ACBD6: variants seen among roughly 807,000 people sequenced by gnomAD.
ACBD6 encodes the protein acyl-CoA-binding domain-containing protein 6.
A neutral mutation model predicts 37.2 loss-of-function variants in ACBD6; 28 were observed. The observed-to-expected ratio is 0.75, with a 90% CI of 0.56 to 1.03. The LOEUF (loss-of-function observed/expected upper bound fraction) is 1.03. Ranked by LOEUF, ACBD6 falls within the 50% of genes least tolerant of loss-of-function variation. ACBD6 has a pLI of 0.00. For missense variants in ACBD6, 340 were observed against 337.4 expected, an observed-to-expected ratio of 1.01 and a Z score of -0.06; for synonymous variants, 113 against 126.8, an observed-to-expected ratio of 0.89 and a Z score of 0.73.
intron 3 of ACBD6, among the ~76,000 whole-genome samples, chr1:180,491,899 TC>T (rs1170489894): frequency 2.0e-5 from 3 of 152,198 alleles, no homozygotes. Context: ...AGCCTCAGCC[TC>T]CCAGGTTCAA....
intron 3 of ACBD6, among the ~76,000 whole-genome samples, chr1:180,451,289 A>C (rs1481225384): frequency 6.6e-6 from 1 of 152,212 alleles, no homozygotes; most frequent in Non-Finnish European, 1.5e-5. Flanking sequence ...GGACTATAAA[A>C]TGTTGTAGCC....
chr1:180,389,030 T>A (rs1223098538), intron 6 of ACBD6, among the ~76,000 whole-genome samples: 1 of 152,154 alleles, frequency 6.6e-6, no homozygotes, highest in Non-Finnish European at 1.5e-5. Context: ...ATACTTTAAG[T>A]TTTAGGGTAC....
At chr1:180,281,462 A>G (rs1315469995) in intron 8 of ACBD6, 1 of 152,280 alleles carries the variant, frequency 6.6e-6, no homozygotes, top group African/African-American at 2.4e-5. Flanking sequence ...CTAAACTGCA[A>G]ATAACATCTT....
chr1:180,283,972 C>T (rs1026233307), downstream of ACBD6, among the ~76,000 whole-genome samples: 1 of 152,118 alleles, frequency 6.6e-6, no homozygotes, highest in African/African-American at 2.4e-5. Context: ...AAGGACTCGT[C>T]TCCCTGGACT....
intron 6 of ACBD6, among the ~76,000 whole-genome samples, chr1:180,349,578 A>C (rs1366209081): frequency 1.0e-4 from 2 of 19,762 alleles, no homozygotes; most frequent in Non-Finnish European, 2.3e-4. Context: ...AGTATAAAAA[A>C]ATAAATAAAA....
intron 3 of ACBD6, among the ~76,000 whole-genome samples, chr1:180,476,389 TTAAA>T (rs905357156): frequency 6.6e-6 from 1 of 152,118 alleles, no homozygotes; most frequent in African/African-American, 2.4e-5. Flanking sequence ...CATAAATGGG[TTAAA>T]TTTTTTTTTT....
chr1:180,290,704 G>A (rs1457336682), intron 7 of ACBD6, among the ~76,000 whole-genome samples: 2 of 151,774 alleles, frequency 1.3e-5, no homozygotes, highest in African/African-American at 4.8e-5. Context: ...GAGCTTTGAA[G>A]GATCGAGCAA....
chr1:180,415,129 C>A (rs563893274), intron 4 of ACBD6, among the ~76,000 whole-genome samples: 52 of 151,430 alleles, frequency 3.4e-4, no homozygotes, highest in East Asian at 1.2e-3. Flanking sequence ...ACAAAAAAAA[C>A]CAAAAACAAA....
At chr1:180,498,601 C>G (rs1557896131) in intron 1 of ACBD6, among the ~76,000 whole-genome samples, 1 of 152,070 alleles carries the variant, frequency 6.6e-6, no homozygotes, top group Non-Finnish European at 1.5e-5. Context: ...TGCCTGTAAT[C>G]CCAGCACTTT....
At chr1:180,339,957 C>T (rs1238891909) in intron 6 of ACBD6, among the ~76,000 whole-genome samples, 2 of 151,916 alleles carry the variant, frequency 1.3e-5, no homozygotes, top group South Asian at 4.2e-4. Context: ...GGGAGAAAAA[C>T]GTGAAGATGG....
chr1:180,427,806 G>C (rs955830255), intron 4 of ACBD6, among the ~76,000 whole-genome samples: 11 of 151,876 alleles, frequency 7.2e-5, no homozygotes, highest in South Asian at 4.1e-4. Flanking sequence ...TGTAGTTCCA[G>C]CTACTCAGGA....
chr1:180,377,577 G>A (rs140856396), intron 6 of ACBD6, among the ~76,000 whole-genome samples: 233 of 152,224 alleles, frequency 1.5e-3, no homozygotes, highest in African/African-American at 5.4e-3. Flanking sequence ...AAAGAAAAGA[G>A]GAAAACAGAA....
exon 10 of ACBD6, chr1:180,274,768 G>A (rs1019832415): frequency 1.8e-5 from 12 of 660,822 alleles, no homozygotes; most frequent in African/African-American, 7.3e-5. Context: ...GGGAAGCAGT[G>A]GGAGAGCAGA....
intron 6 of ACBD6, among the ~76,000 whole-genome samples, chr1:180,378,593 C>A (rs1571428862): frequency 6.6e-6 from 1 of 152,252 alleles, no homozygotes; most frequent in East Asian, 1.9e-4. Flanking sequence ...AAAATTATTT[C>A]CAAATAAAAA....
chr1:180,365,832 ATTACT>A (rs1653033276), intron 6 of ACBD6, among the ~76,000 whole-genome samples: 1 of 152,222 alleles, frequency 6.6e-6, no homozygotes, highest in African/African-American at 2.4e-5. Context: ...TCACGGAAAA[ATTACT>A]TTTCTTTGAA....
intron 6 of ACBD6, among the ~76,000 whole-genome samples, chr1:180,331,832 G>A (rs758304398): frequency 5.9e-5 from 9 of 152,130 alleles, no homozygotes; most frequent in Non-Finnish European, 1.0e-4. Flanking sequence ...CTATTACCCA[G>A]CTGCTCAAGT....
At chr1:180,286,332 C>T (rs980663054), downstream of ACBD6, among the ~76,000 whole-genome samples, 4 of 151,984 alleles carry the variant, frequency 2.6e-5, no homozygotes, top group South Asian at 2.1e-4. Context: ...GTTTTAGATG[C>T]GGCAAAACAG....
intron 3 of ACBD6, among the ~76,000 whole-genome samples, chr1:180,467,727 A>C (rs966887548): frequency 6.6e-6 from 1 of 152,172 alleles, no homozygotes; most frequent in African/African-American, 2.4e-5. Flanking sequence ...ATCTCATTTA[A>C]TACACCATGA....
At chr1:180,318,357 C>T (rs1269742963) in intron 6 of ACBD6, among the ~76,000 whole-genome samples, 1 of 151,778 alleles carries the variant, frequency 6.6e-6, no homozygotes, top group Non-Finnish European at 1.5e-5. Context: ...TTTATAGTCC[C>T]TATATTTCTT....
Sources: allele counts gnomAD v4.1 joint callset (sites outside exome capture counted in the v4.1 genomes callset), GRCh38; gene constraint gnomAD v4.1.1; transcripts MANE v1.5; gene names NCBI Gene and HGNC (gene_info 2026-07-23, HGNC 2026-07-21).